DOK5: variants seen among roughly 807,000 people sequenced by gnomAD.
DOK5 encodes docking protein 5.
Under a neutral mutation model 43.3 loss-of-function variants are expected in DOK5, and 27 were observed. That is an observed-to-expected ratio of 0.62 (90% confidence interval 0.46 to 0.86). The LOEUF is 0.86. DOK5 is among the 40% of genes least tolerant of loss of function. The probability of loss-of-function intolerance (pLI) is 0.00; values close to 1 mark genes in which losing one functional copy is unlikely to be tolerated. For synonymous variants in DOK5, 146 were observed against 140.1 expected (o/e 1.04, Z -0.30); for missense variants, 373 against 392.9 (o/e 0.95, Z 0.43).
intron 2 of DOK5, among the ~76,000 whole-genome samples, chr20:54,569,113 A>T (rs1985200477): frequency 6.6e-6 from 1 of 152,102 alleles, no homozygotes. Context: ...ATATTCTCAC[A>T]CACATATAAA....
chr20:54,562,108 G>A (rs73276956), intron 2 of DOK5, among the ~76,000 whole-genome samples: 1,718 of 152,278 alleles, frequency 0.011, 27 homozygotes, highest in African/African-American at 0.039. Context: ...GTCACTGTCC[G>A]TTGGATTTGA....
chr20:54,618,130 A>G (rs1986870574), intron 6 of DOK5, among the ~76,000 whole-genome samples: 1 of 152,194 alleles, frequency 6.6e-6, no homozygotes, highest in South Asian at 2.1e-4. Context: ...ACCTGGAAGG[A>G]ATCACTGTCC....
intron 1 of DOK5, among the ~76,000 whole-genome samples, chr20:54,504,606 A>G (rs1447846377): frequency 6.6e-6 from 1 of 152,208 alleles, no homozygotes; most frequent in African/African-American, 2.4e-5. Context: ...CAGTTGAAGG[A>G]GGATACAGGG....
At chr20:54,607,427 T>TGC (rs1372778406) in intron 5 of DOK5, among the ~76,000 whole-genome samples, 1 of 151,872 alleles carries the variant, frequency 6.6e-6, no homozygotes, top group East Asian at 1.9e-4. Flanking sequence ...TGTGTGTGTG[T>TGC]GTGTGTGTGT....
At chr20:54,541,119 A>T (rs116779845) in intron 1 of DOK5, among the ~76,000 whole-genome samples, 1,710 of 152,282 alleles carry the variant, frequency 0.011, 39 homozygotes, top group African/African-American at 0.039. Context: ...TGCGTGAGCT[A>T]AACATTTTGG....
chr20:54,638,010 GA>G (rs1978915640), intron 6 of DOK5, among the ~76,000 whole-genome samples: 3 of 151,616 alleles, frequency 2.0e-5, no homozygotes, highest in African/African-American at 4.8e-5. Context: ...TAGTCCCAGT[GA>G]CTTGGGAGGC....
At chr20:54,488,761 A>ACCCCTTCCCTTCCT in intron 1 of DOK5, among the ~76,000 whole-genome samples, 1 of 90,618 alleles carries the variant, frequency 1.1e-5, no homozygotes, top group Non-Finnish European at 2.4e-5. Flanking sequence ...CTCTTTCCCT[A>ACCCCTTCCCTTCCT]CCCCTCCCCT....
intron 5 of DOK5, among the ~76,000 whole-genome samples, chr20:54,600,754 G>A (rs1244053506): frequency 6.6e-6 from 1 of 152,180 alleles, no homozygotes; most frequent in Admixed American, 6.5e-5. Context: ...GATATCACAT[G>A]ACCTGAAGCC....
chr20:54,617,338 C>CT (rs976096031), intron 6 of DOK5, among the ~76,000 whole-genome samples: 73 of 149,256 alleles, frequency 4.9e-4, no homozygotes, highest in African/African-American at 1.4e-3. Flanking sequence ...ATTTTTTTTT[C>CT]TTTTTTTTTG....
chr20:54,645,608 A>G (rs957894654), intron 7 of DOK5, among the ~76,000 whole-genome samples: 11 of 151,952 alleles, frequency 7.2e-5, no homozygotes. Context: ...AGCCCTCAGG[A>G]CTTTCTTGTA....
chr20:54,584,717 G>A (rs979279383), intron 2 of DOK5, among the ~76,000 whole-genome samples: 2 of 147,580 alleles, frequency 1.4e-5, no homozygotes, highest in Non-Finnish European at 3.0e-5. Flanking sequence ...ATGTACTCGT[G>A]TGTGTGTGTA....
At chr20:54,497,731 A>G (rs1259852281) in intron 1 of DOK5, among the ~76,000 whole-genome samples, 5 of 152,214 alleles carry the variant, frequency 3.3e-5, no homozygotes, top group African/African-American at 9.6e-5. Context: ...AATAGTAACT[A>G]TGATAAAGGA....
At chr20:54,507,104 A>G (rs78976924) in intron 1 of DOK5, among the ~76,000 whole-genome samples, 4,998 of 152,302 alleles carry the variant, frequency 0.033, 276 homozygotes, top group African/African-American at 0.11. Flanking sequence ...TGTTTCACAA[A>G]TATTTTTTGA....
intron 5 of DOK5, among the ~76,000 whole-genome samples, chr20:54,600,430 G>A (rs147813476): frequency 4.2e-4 from 64 of 152,190 alleles, no homozygotes; most frequent in African/African-American, 1.5e-3. Flanking sequence ...TCACTAAAAT[G>A]ACTCCCAGAA....
chr20:54,588,376 T>G, intron 2 of DOK5, 107 bp from the exon 3 acceptor site: 1 of 829,118 alleles, frequency 1.2e-6, no homozygotes, highest in Non-Finnish European at 2.0e-6. Flanking sequence ...CAACAGGTTG[T>G]GCTCAGCTGT....
intron 1 of DOK5, among the ~76,000 whole-genome samples, chr20:54,553,305 C>T (rs1431254893): frequency 8.5e-5 from 13 of 152,106 alleles, no homozygotes; most frequent in Admixed American, 8.5e-4. Context: ...ACGCCATTCT[C>T]CTGCCTCAGC....
intron 1 of DOK5, 44 bp downstream of exon 1, chr20:54,476,056 GTCTC>G: frequency 6.2e-7 from 1 of 1,608,068 alleles, no homozygotes; most frequent in South Asian, 1.1e-5. Flanking sequence ...CGGTTCGATT[GTCTC>G]TCTCTTGAGC....
At chr20:54,519,611 A>T (rs1003493821) in intron 1 of DOK5, among the ~76,000 whole-genome samples, 2 of 152,132 alleles carry the variant, frequency 1.3e-5, no homozygotes, top group East Asian at 3.8e-4. Context: ...GCTTATATTC[A>T]TTTTTTTCAA....
At chr20:54,623,000 C>G (rs979764860) in intron 6 of DOK5, among the ~76,000 whole-genome samples, 5 of 152,148 alleles carry the variant, frequency 3.3e-5, no homozygotes, top group Non-Finnish European at 7.3e-5. Context: ...CCCCGTATGA[C>G]TGCACACACT....
Sources: allele counts gnomAD v4.1 joint callset (sites outside exome capture counted in the v4.1 genomes callset), GRCh38; gene constraint gnomAD v4.1.1; transcripts MANE v1.5; gene names NCBI Gene and HGNC (gene_info 2026-07-23, HGNC 2026-07-21).